Variants in RALGPS1 observed in about 807,000 individuals in gnomAD.
The protein encoded by RALGPS1 is ras-specific guanine nucleotide-releasing factor RalGPS1.
RALGPS1 carries 19 observed loss-of-function variants against 78.8 expected under a neutral mutation model. That is an observed-to-expected ratio of 0.24 (90% confidence interval 0.17 to 0.35). RALGPS1 has a LOEUF of 0.35. RALGPS1 is among the 10% of genes least tolerant of loss of function. RALGPS1 has a pLI of 1.00. For synonymous variants in RALGPS1, 228 were observed against 256.3 expected, an observed-to-expected ratio of 0.89 and a Z score of 1.06; for missense variants, 454 against 688.3, an observed-to-expected ratio of 0.66 and a Z score of 3.81.
At chr9:127,179,795 T>C (rs575803686) in intron 11 of RALGPS1, among the ~76,000 whole-genome samples, 1 of 152,320 alleles carries the variant, frequency 6.6e-6, no homozygotes, top group African/African-American at 2.4e-5. Flanking sequence ...GGCCCTCTTC[T>C]AGGCAGCGCC....
At chr9:126,993,530 G>GTT (rs75787809) in intron 4 of RALGPS1, among the ~76,000 whole-genome samples, 3 of 142,656 alleles carry the variant, frequency 2.1e-5, no homozygotes, top group Non-Finnish European at 3.1e-5. Context: ...TCTGTGGAAA[G>GTT]TTTTTTTTTT....
intron 1 of RALGPS1, among the ~76,000 whole-genome samples, chr9:126,950,132 G>A (rs534870659): frequency 1.4e-4 from 21 of 152,188 alleles, no homozygotes; most frequent in African/African-American, 4.6e-4. Flanking sequence ...GTAGATACAC[G>A]GCGTTATTTT....
chr9:127,029,807 G>A (rs1211212612), intron 4 of RALGPS1, among the ~76,000 whole-genome samples: 1 of 152,182 alleles, frequency 6.6e-6, no homozygotes, highest in Non-Finnish European at 1.5e-5. Flanking sequence ...GGTCAGGGTT[G>A]GGCCTGTCTC....
At chr9:127,173,720 T>C (rs1216436060) in intron 10 of RALGPS1, among the ~76,000 whole-genome samples, 1 of 152,180 alleles carries the variant, frequency 6.6e-6, no homozygotes, top group Non-Finnish European at 1.5e-5. Context: ...CATTAAACAC[T>C]CCAGTTGAGA....
At chr9:126,978,760 T>C (rs2040932442) in intron 4 of RALGPS1, among the ~76,000 whole-genome samples, 2 of 152,120 alleles carry the variant, frequency 1.3e-5, no homozygotes, top group Admixed American at 6.5e-5. Flanking sequence ...TACCTCTCCT[T>C]CTCCTGCTTT....
intron 5 of RALGPS1, among the ~76,000 whole-genome samples, chr9:127,040,315 C>A (rs1393765516): frequency 6.6e-6 from 1 of 152,112 alleles, no homozygotes; most frequent in Non-Finnish European, 1.5e-5. Context: ...GCAGGAGAAT[C>A]ACTTGCACTC....
At chr9:126,994,947 G>A (rs574714934) in intron 4 of RALGPS1, among the ~76,000 whole-genome samples, 1 of 152,108 alleles carries the variant, frequency 6.6e-6, no homozygotes, top group Non-Finnish European at 1.5e-5. Flanking sequence ...ATAAGTGAAG[G>A]AGAAATAAAA....
rs2052433266 is a variant in RALGPS1, at chr9:127,091,266, GGTGGGGCCAGCACTGGAGCCCAGGT to G, written c.610+21914_610+21938del. Among the ~76,000 whole-genome samples the G allele has an allele frequency of 6.6e-6, 1 of 152,256 alleles. No homozygotes were observed. The highest frequency in any genetic ancestry group is 6.5e-5 in the Admixed American group (1 of 15,288). On this transcript the variant is annotated intron_variant, in intron 8 of 18. Coordinates refer to ENST00000259351, the MANE Select transcript of RALGPS1 (RefSeq NM_014636.3). The surrounding 1 kb of genome is among the most constrained non-coding windows in gnomAD (Gnocchi z 4.3). ...GCCCAAGGACACATGGCTGGTAGGA[GGTGGGGCCAGCACTGGAGCCCAGGT>G]GTGTGGCCCAGAGCCTACGCAGTTG...
chr9:127,182,592 G>C (rs139931086), intron 11 of RALGPS1, among the ~76,000 whole-genome samples: 1 of 151,930 alleles, frequency 6.6e-6, no homozygotes, highest in African/African-American at 2.4e-5. Context: ...ACCATGCCCA[G>C]CAAATTTTTG....
chr9:126,972,507 A>G (rs368753929), intron 3 of RALGPS1, among the ~76,000 whole-genome samples: 2 of 152,326 alleles, frequency 1.3e-5, no homozygotes, highest in Non-Finnish European at 1.5e-5. Flanking sequence ...GTGAACATCA[A>G]TAGCCACTAA....
At chr9:127,130,114 C>T (rs1218530707) in intron 8 of RALGPS1, among the ~76,000 whole-genome samples, 2 of 152,166 alleles carry the variant, frequency 1.3e-5, no homozygotes, top group African/African-American at 4.8e-5. Flanking sequence ...TTGGTCGAGT[C>T]GATAGGAGTC....
At chr9:127,082,155 T>C (rs1350658152) in intron 8 of RALGPS1, among the ~76,000 whole-genome samples, 2 of 152,146 alleles carry the variant, frequency 1.3e-5, no homozygotes. Context: ...TACCAGATAA[T>C]GAGGACCAAG....
intron 1 of RALGPS1, among the ~76,000 whole-genome samples, chr9:126,922,968 C>A (rs561748151): frequency 6.0e-4 from 91 of 152,320 alleles, no homozygotes; most frequent in African/African-American, 2.1e-3. Context: ...TCTGTCTCTC[C>A]TGGTGCAGTA....
chr9:126,968,240 A>G (rs1007212819), intron 3 of RALGPS1, among the ~76,000 whole-genome samples: 2 of 152,102 alleles, frequency 1.3e-5, no homozygotes, highest in South Asian at 2.1e-4. Context: ...TGATCTCATG[A>G]TCTGCTCGCC....
chr9:127,041,619 C>T (rs997549715), intron 5 of RALGPS1, among the ~76,000 whole-genome samples: 4 of 152,096 alleles, frequency 2.6e-5, no homozygotes, highest in Admixed American at 1.3e-4. Flanking sequence ...GGGTGCCTCA[C>T]GTGAGGGGTG....
At chr9:126,923,811 C>T (rs2035004711) in intron 1 of RALGPS1, among the ~76,000 whole-genome samples, 1 of 152,156 alleles carries the variant, frequency 6.6e-6, no homozygotes, top group African/African-American at 2.4e-5. Context: ...CTCCCAAGTG[C>T]CACTACACCT....
At chr9:127,049,788 G>T (rs1433687284) in intron 5 of RALGPS1, among the ~76,000 whole-genome samples, 1 of 152,224 alleles carries the variant, frequency 6.6e-6, no homozygotes, top group Non-Finnish European at 1.5e-5. Context: ...CGCTCCCTGG[G>T]ATGACGAGGA....
intron 8 of RALGPS1, among the ~76,000 whole-genome samples, chr9:127,159,978 C>T (rs1249080175): frequency 6.6e-6 from 1 of 152,048 alleles, no homozygotes; most frequent in Non-Finnish European, 1.5e-5. Flanking sequence ...CATTTTTATG[C>T]TGTAGAGGGT....
chr9:127,108,910 T>TA, intron 8 of RALGPS1: 1 of 674,168 alleles, frequency 1.5e-6, no homozygotes, highest in South Asian at 2.2e-5. Context: ...TGCTGGGTTA[T>TA]ATTCTCTTGG....
Sources: allele counts gnomAD v4.1 joint callset (sites outside exome capture counted in the v4.1 genomes callset), GRCh38; gene constraint gnomAD v4.1.1; non-coding constraint Gnocchi (gnomAD v3.1); transcripts MANE v1.5; gene names NCBI Gene and HGNC (gene_info 2026-07-23, HGNC 2026-07-21).